The following LSM6 variants were observed in gnomAD, a reference collection of about 807,000 sequenced individuals.
LSM6 encodes LSM6 homolog, U6 small nuclear RNA and mRNA degradation associated, also known as U6 snRNA-associated Sm-like protein LSm6.
In LSM6, 2 loss-of-function variants were observed where a neutral mutation model predicts 13.5. The observed-to-expected ratio is 0.15, with a 90% CI of 0.06 to 0.47. The LOEUF (loss-of-function observed/expected upper bound fraction) is 0.47. LSM6 is among the 20% of genes least tolerant of loss of function. LSM6 has a pLI of 0.97. For missense variants in LSM6, 58 were observed against 96.4 expected (o/e 0.60, Z 1.67); for synonymous variants, 43 against 34.9 (o/e 1.23, Z -0.82).
At chr4:146,176,200 G>T (rs1452559090) in intron 1 of LSM6, 1 of 152,298 alleles carries the variant, frequency 6.6e-6, no homozygotes, top group Non-Finnish European at 1.5e-5. Context: ...GATTCGGCGG[G>T]AAAGCGGATC....
intron 2 of LSM6, among the ~76,000 whole-genome samples, chr4:146,185,771 C>T (rs1465457957): frequency 6.6e-6 from 1 of 150,966 alleles, no homozygotes; most frequent in Non-Finnish European, 1.5e-5. Flanking sequence ...GAGTCTCACT[C>T]TTTCGCCCAG....
intron 2 of LSM6, among the ~76,000 whole-genome samples, chr4:146,184,367 A>G (rs1420111979): frequency 3.9e-5 from 6 of 152,074 alleles, no homozygotes; most frequent in African/African-American, 9.7e-5. Context: ...TGAAATCTCT[A>G]TTGATTATCC....
chr4:146,182,509 T>A (rs1730252943), intron 1 of LSM6, among the ~76,000 whole-genome samples: 1 of 152,238 alleles, frequency 6.6e-6, no homozygotes, highest in Non-Finnish European at 1.5e-5. Context: ...GTGATAGTGT[T>A]TATAAAGACC....
In LSM6 at chr4:146,190,871, G is replaced by C. The variant is rs527490355; in HGVS notation, c.*1215G>C. ...ATTTCAGGAGCCGATGGTGTGATTC[G>C]AAACAACTGCTTGGTTGAAGGATGG... is the stretch of plus-strand genomic sequence containing the variant. On this transcript the variant is annotated 3_prime_UTR_variant, in exon 4 of 4. Transcript: ENST00000296581. 1 of 152,316 alleles carries C rather than the reference G, an allele frequency of 6.6e-6. No homozygotes were observed. Among genetic ancestry groups the C allele is most frequent in the Non-Finnish European group, 1.5e-5 (1 of 68,058 alleles). 9.4% of individuals were successfully genotyped at this position (152,316 alleles called of 1,614,324 possible). A position where few individuals can be genotyped will look rare whatever the true frequency, so the allele number is the denominator to read the frequency against.
chr4:146,184,983 A>G (rs1157992654), intron 2 of LSM6, among the ~76,000 whole-genome samples: 1 of 152,134 alleles, frequency 6.6e-6, no homozygotes, highest in African/African-American at 2.4e-5. Context: ...TTGTAATAAT[A>G]TAGAGGGTTT....
intron 2 of LSM6, among the ~76,000 whole-genome samples, chr4:146,185,728 C>CT (rs375209316): frequency 6.7e-4 from 97 of 143,958 alleles, no homozygotes; most frequent in Middle Eastern, 3.6e-3. Context: ...GAAGTGAACT[C>CT]TTTTTTTTTT....
chr4:146,183,620 G>A (rs943086218), intron 2 of LSM6: 1 of 152,458 alleles, frequency 6.6e-6, no homozygotes, highest in African/African-American at 2.4e-5. Context: ...GGTATGTTAA[G>A]TTACCTGAAA....
chr4:146,180,321 T>C (rs542435333), intron 1 of LSM6, among the ~76,000 whole-genome samples: 2 of 152,364 alleles, frequency 1.3e-5, no homozygotes, highest in African/African-American at 4.8e-5. Context: ...CCCAACCCTG[T>C]GCGCCTGAAC....
At chr4:146,184,270 C>G (rs1243093313) in intron 2 of LSM6, among the ~76,000 whole-genome samples, 1 of 152,158 alleles carries the variant, frequency 6.6e-6, no homozygotes. Context: ...GGGACACATT[C>G]AAACCATAGC....
chr4:146,182,905 G>C lies in LSM6; in HGVS notation c.-10-7G>C, dbSNP rs1481415244. The C allele has an allele frequency of 2.0e-6, 3 of 1,525,772 alleles. No individual in the cohort carries two copies. Among genetic ancestry groups the C allele is most frequent in the African/African-American group, 2.7e-5 (2 of 73,128 alleles). 94.5% of individuals were successfully genotyped at this position (1,525,772 alleles called of 1,614,324 possible). On this transcript the variant is annotated splice_polypyrimidine_tract_variant and splice_region_variant and intron_variant, in intron 1 of 3. Transcript: ENST00000296581. ...CTTTTATTGTTCCTTTTCATATTTT[G>C]ATTTAGGATTGTTAAAATGAGTCTT...
At chr4:146,181,205 G>A (rs1318704531) in intron 1 of LSM6, 2 of 152,200 alleles carry the variant, frequency 1.3e-5, no homozygotes, top group Non-Finnish European at 2.9e-5. Context: ...GGGCAGTGTA[G>A]ATTGTCCAAA....
intron 2 of LSM6, 72 bp downstream of exon 2, chr4:146,183,087 C>A: frequency 8.7e-7 from 1 of 1,143,150 alleles, no homozygotes; most frequent in Non-Finnish European, 1.3e-6. Flanking sequence ...ATTTATTAAC[C>A]TCTTAAGTAT....
chr4:146,180,030 A>G (rs184464242), intron 1 of LSM6, among the ~76,000 whole-genome samples: 11 of 152,256 alleles, frequency 7.2e-5, no homozygotes, highest in East Asian at 1.9e-4. Flanking sequence ...CTCCTTGCCT[A>G]TGTAGATTTT....
chr4:146,176,516 C>CA (rs1434617811), intron 1 of LSM6: 1 of 152,208 alleles, frequency 6.6e-6, no homozygotes, highest in Non-Finnish European at 1.5e-5. Flanking sequence ...AAATTGCAAA[C>CA]ATAGAAGACT....
chr4:146,177,874 G>A (rs112643547), intron 1 of LSM6, among the ~76,000 whole-genome samples: 6 of 152,126 alleles, frequency 3.9e-5, no homozygotes, highest in African/African-American at 1.4e-4. Flanking sequence ...AGGGTTGGGG[G>A]TACTGCCCCT....
chr4:146,175,780 C>T lies in LSM6; in HGVS notation c.-42C>T, dbSNP rs1423002600. On this transcript the variant is annotated 5_prime_UTR_variant, in exon 1 of 4. Transcript: ENST00000296581. ...CGCGGCGGCCGGGCTCGTGGGGCGC[C>T]TGGAGTGAGGGTTCTGGTTCCCGCC... is the stretch of plus-strand genomic sequence containing the variant. The T allele has an allele frequency of 1.3e-5, 2 of 152,432 alleles. No individual in the cohort carries two copies. Among genetic ancestry groups the T allele is most frequent in the Admixed American group, 6.5e-5 (1 of 15,294 alleles). 9.4% of individuals were successfully genotyped at this position (152,432 alleles called of 1,614,324 possible). A position where few individuals can be genotyped will look rare whatever the true frequency, so the allele number is the denominator to read the frequency against.
intron 3 of LSM6, 136 bp from the exon 4 acceptor site, chr4:146,189,484 AGT>A: frequency 1.5e-6 from 1 of 651,340 alleles, no homozygotes; most frequent in Non-Finnish European, 2.7e-6. Context: ...GTACTTCTAG[AGT>A]TAATTGAATG....
intron 1 of LSM6, among the ~76,000 whole-genome samples, chr4:146,181,871 A>T (rs1194537925): frequency 6.6e-6 from 1 of 152,174 alleles, no homozygotes; most frequent in East Asian, 1.9e-4. Context: ...ATAAGAAAAG[A>T]TGCGTTTTGA....
Position 146,187,258 on chromosome 4 carries a change from C to T in LSM6, c.95-16C>T, listed in dbSNP as rs1730369751. On this transcript the variant is annotated splice_polypyrimidine_tract_variant and intron_variant, in intron 2 of 3. Transcript: ENST00000296581. Reference sequence around the variant, plus strand: ...TTTGCCTTGTGTATCTTCTTTTTGACTAAATATGTCTGCAGGGGTCCTGGC... The same window carrying T: ...TTTGCCTTGTGTATCTTCTTTTTGATTAAATATGTCTGCAGGGGTCCTGGC... The T allele has an allele frequency of 6.8e-7, 1 of 1,478,726 alleles. No homozygotes were observed. The highest frequency in any genetic ancestry group is 9.4e-7 in the Non-Finnish European group (1 of 1,058,802). 91.6% of individuals were successfully genotyped at this position (1,478,726 alleles called of 1,614,324 possible).
Sources: gnomAD v4.1 joint callset for allele counts (sites outside exome capture counted in the v4.1 genomes callset) on GRCh38, gnomAD v4.1.1 for gene constraint, MANE v1.5 for transcripts, NCBI Gene and HGNC (gene_info 2026-07-23, HGNC 2026-07-21) for gene names.